Variants in DNAJC13 observed in about 807,000 individuals in gnomAD.
DNAJC13 encodes the protein dnaJ homolog subfamily C member 13.
DNAJC13 carries 75 observed loss-of-function variants against 290.5 expected under a neutral mutation model. The ratio of observed to expected loss-of-function variants is 0.26; its 90% CI spans 0.21 to 0.31. The LOEUF is 0.31. Ranked by LOEUF, DNAJC13 falls within the 10% of genes least tolerant of loss-of-function variation. DNAJC13 has a pLI of 1.00. For synonymous variants in DNAJC13, 862 were observed against 892.0 expected, an observed-to-expected ratio of 0.97 and a Z score of 0.60; for missense variants, 2,260 against 2,674.5, an observed-to-expected ratio of 0.85 and a Z score of 3.42.
rs764604091 is a variant in DNAJC13 at position 132,466,380 on chromosome 3, G to A, written c.2050G>A (p.Val684Met). The part of the protein sequence containing the change: ...DADRMHVRDN[V>M]KIAMDQYGKF... Reference sequence around the variant, plus strand: ...TGATCGGATGCATGTTAGAGACAATGTGAAAATAGCAATGGTAAATATGAC... The same window carrying A: ...TGATCGGATGCATGTTAGAGACAATATGAAAATAGCAATGGTAAATATGAC... Residue 684 changes from valine to methionine, a missense_variant, in exon 19 of 56, where the codon GTG becomes ATG. Around this residue, in one of 3 missense-constraint regions of DNAJC13, gnomAD observed 762 missense variants for 964.1 expected, o/e 0.79. Coordinates refer to ENST00000260818, the MANE Select transcript of DNAJC13 (RefSeq NM_015268.4). 1 of 1,597,452 alleles carries A rather than the reference G, an allele frequency of 6.3e-7. No individual in the cohort carries two copies. The highest frequency in any genetic ancestry group is 8.5e-7 in the Non-Finnish European group (1 of 1,174,826).
At chr3:132,440,000 A>G (rs1291192358) in intron 2 of DNAJC13, among the ~76,000 whole-genome samples, 2 of 152,204 alleles carry the variant, frequency 1.3e-5, no homozygotes, top group African/African-American at 2.4e-5. Flanking sequence ...GCTCACGACT[A>G]TAATCCGAGC....
intron 55 of DNAJC13, among the ~76,000 whole-genome samples, chr3:132,531,511 T>C (rs776039566): frequency 1.5e-4 from 23 of 152,158 alleles, no homozygotes; most frequent in Admixed American, 6.6e-4. Flanking sequence ...GTAAAAGATA[T>C]TCTTGGCTGG....
At chr3:132,427,105 ACGTGTGTGTGTGTG>A (rs1157379259) in intron 1 of DNAJC13, among the ~76,000 whole-genome samples, 5 of 129,330 alleles carry the variant, frequency 3.9e-5, no homozygotes, top group Non-Finnish European at 8.1e-5. Context: ...GTGTGTGTGC[ACGTGTGTGTGTGTG>A]TATATATATA....
intron 55 of DNAJC13, among the ~76,000 whole-genome samples, chr3:132,531,523 C>T (rs143255777): frequency 1.3e-5 from 2 of 152,266 alleles, no homozygotes; most frequent in African/African-American, 2.4e-5. Context: ...CTTGGCTGGG[C>T]GCGGTGGCTC....
At chr3:132,427,800 T>C (rs1939137972) in intron 1 of DNAJC13, among the ~76,000 whole-genome samples, 2 of 151,706 alleles carry the variant, frequency 1.3e-5, no homozygotes. Context: ...AATAACTTCT[T>C]TTTTTGGGTT....
chr3:132,480,270 C>A, intron 25 of DNAJC13, 99 bp from the exon 26 acceptor site: 1 of 647,678 alleles, frequency 1.5e-6, no homozygotes, highest in Non-Finnish European at 2.6e-6. Flanking sequence ...TCTTCGAGGA[C>A]CTTGTAGGTG....
chr3:132,533,564 GACCTCAAATGATCCACCC>G lies in DNAJC13; in HGVS notation c.6625+2468_6625+2485del, dbSNP rs546455670. Among the ~76,000 whole-genome samples the G allele has an allele frequency of 4.1e-3, 622 of 152,006 alleles. 7 individuals are homozygous for G. Among genetic ancestry groups the G allele is most frequent in the African/African-American group, 0.012 (513 of 41,450 alleles). ...TTGGCCAGGCTGGTCTCGGACTCCT[GACCTCAAATGATCCACCC>G]GCCTCAAATGATCCACCCGCCTGGT... On this transcript the variant is annotated intron_variant, in intron 55 of 55. Transcript: ENST00000260818.
intron 55 of DNAJC13, among the ~76,000 whole-genome samples, chr3:132,534,315 T>C (rs1936523574): frequency 6.6e-6 from 1 of 152,158 alleles, no homozygotes; most frequent in Non-Finnish European, 1.5e-5. Context: ...TTTTTAGCGA[T>C]GTCAGTTGCT....
chr3:132,507,416 T>C (rs1363259314), intron 43 of DNAJC13, 63 bp downstream of exon 43: 1 of 959,612 alleles, frequency 1.0e-6, no homozygotes, highest in Admixed American at 1.9e-5. Flanking sequence ...AAGTTACTAG[T>C]TTATTCACAC....
chr3:132,525,585 A>C lies in DNAJC13; in HGVS notation c.6061-25A>C, dbSNP rs553475316. The C allele has an allele frequency of 4.0e-4, 640 of 1,609,470 alleles. 2 individuals are homozygous for C. In the Admixed American group the frequency reaches 0.01, roughly 26 times the overall value. ...GGGCTGTATGAGTATTTTATAGTTG[A>C]TTTATTTTTGTTTTACACCTGCAGG... is the stretch of plus-strand genomic sequence containing the variant. On this transcript the variant is annotated intron_variant, in intron 51 of 55. Coordinates refer to ENST00000260818, the MANE Select transcript of DNAJC13 (RefSeq NM_015268.4).
intron 43 of DNAJC13, among the ~76,000 whole-genome samples, chr3:132,509,913 T>G (rs1221892290): frequency 6.6e-6 from 1 of 152,224 alleles, no homozygotes; most frequent in African/African-American, 2.4e-5. Context: ...TTTATTTTGG[T>G]GATCCAGAAC....
At chr3:132,434,179 C>T (rs1027286470) in intron 1 of DNAJC13, among the ~76,000 whole-genome samples, 1 of 149,918 alleles carries the variant, frequency 6.7e-6, no homozygotes, top group African/African-American at 2.5e-5. Flanking sequence ...CACTGCACTC[C>T]AGCCTGGGCG....
chr3:132,447,244 G>A, intron 3 of DNAJC13, 77 bp from the exon 4 acceptor site: 2 of 1,248,680 alleles, frequency 1.6e-6, no homozygotes, highest in Non-Finnish European at 2.1e-6. Context: ...CAGTGATTAT[G>A]AAATTAAAGT....
At chr3:132,420,480 G>T (rs916200561) in intron 1 of DNAJC13, among the ~76,000 whole-genome samples, 1 of 152,138 alleles carries the variant, frequency 6.6e-6, no homozygotes, top group African/African-American at 2.4e-5. Flanking sequence ...AACCGAGAGT[G>T]CTGCCCTCCT....
intron 46 of DNAJC13, 94 bp downstream of exon 46, chr3:132,514,764 A>C: frequency 1.1e-5 from 9 of 846,756 alleles, no homozygotes; most frequent in Non-Finnish European, 1.7e-5. Context: ...AACAAATGTC[A>C]TCTATGTTTA....
At chr3:132,515,992 G>C (rs1408638416) in intron 46 of DNAJC13, among the ~76,000 whole-genome samples, 1 of 152,172 alleles carries the variant, frequency 6.6e-6, no homozygotes, top group Admixed American at 6.6e-5. Context: ...TTATGTCTTA[G>C]AATGGAACCC....
chr3:132,535,825 A>G (rs1936574478), intron 55 of DNAJC13, among the ~76,000 whole-genome samples: 1 of 152,146 alleles, frequency 6.6e-6, no homozygotes, highest in African/African-American at 2.4e-5. Context: ...CAACTGCCCT[A>G]TTCTGTGCAA....
At chr3:132,478,280 T>C (rs1576486537) in intron 24 of DNAJC13, 140 bp downstream of exon 24, 7 of 719,644 alleles carry the variant, frequency 9.7e-6, no homozygotes, top group East Asian at 9.1e-5. Flanking sequence ...TTTATACTTA[T>C]TTAAATCTGA....
intron 45 of DNAJC13, 65 bp downstream of exon 45, chr3:132,513,164 C>CT: frequency 7.5e-7 from 1 of 1,329,414 alleles, no homozygotes; most frequent in Non-Finnish European, 1.1e-6. Flanking sequence ...ATTTGAGTCT[C>CT]TATCAGTCAT....
Sources: gnomAD v4.1 joint callset for allele counts (sites outside exome capture counted in the v4.1 genomes callset) on GRCh38, gnomAD v4.1.1 for gene constraint, gnomAD v4.1.1 regional missense constraint, MANE v1.5 for transcripts, NCBI Gene and HGNC (gene_info 2026-07-23, HGNC 2026-07-21) for gene names.